TTC19: variants seen among roughly 807,000 people sequenced by gnomAD.
The protein encoded by TTC19 is tetratricopeptide repeat protein 19, mitochondrial.
Under a neutral mutation model 49.5 loss-of-function variants are expected in TTC19, and 38 were observed. The observed-to-expected ratio is 0.77, with a 90% confidence interval of 0.59 to 1.01. TTC19 has a LOEUF of 1.01. Ranked by LOEUF, TTC19 falls within the 50% of genes least tolerant of loss-of-function variation. The pLI is 0.00. For missense variants in TTC19, 475 were observed against 477.7 expected (o/e 0.99, Z 0.05); for synonymous variants, 204 against 185.2 (o/e 1.10, Z -0.83).
At chr17:16,039,241 A>C in intron 2 of TTC19, 1 of 601,002 alleles carries the variant, frequency 1.7e-6, no homozygotes, top group Non-Finnish European at 2.9e-6. Flanking sequence ...ATTTTCTTCC[A>C]TTTTATTTCT....
chr17:16,034,661 A>G, intron 2 of TTC19: 1 of 1,037,212 alleles, frequency 9.6e-7, no homozygotes, highest in South Asian at 1.6e-5. Context: ...AAATGGGAAT[A>G]TAGGTTTCCA....
intron 7 of TTC19, among the ~76,000 whole-genome samples, chr17:16,009,710 A>G (rs1053603520): frequency 6.6e-6 from 1 of 152,320 alleles, no homozygotes; most frequent in South Asian, 2.1e-4. Context: ...TGACACAACT[A>G]TCTCTATTCT....
chr17:16,041,068 C>T (rs527295797), intron 2 of TTC19: 2 of 152,872 alleles, frequency 1.3e-5, no homozygotes, highest in East Asian at 1.9e-4. Flanking sequence ...GGGATGTGAT[C>T]CAGAGGAAAG....
chr17:16,025,799 A>C (rs1209816478), intron 8 of TTC19, among the ~76,000 whole-genome samples: 1 of 152,178 alleles, frequency 6.6e-6, no homozygotes, highest in Non-Finnish European at 1.5e-5. Context: ...ATTTTAACTG[A>C]ATGTGTCCCA....
At chr17:16,039,796 C>CT (rs932257225) in intron 2 of TTC19, 850 of 682,454 alleles carry the variant, frequency 1.2e-3, no homozygotes, top group Non-Finnish European at 1.5e-3. Context: ...ACACAGAGAC[C>CT]TTTTTTTTTG....
chr17:16,006,172 G>A (rs1248174595), intron 6 of TTC19, among the ~76,000 whole-genome samples: 1 of 152,336 alleles, frequency 6.6e-6, no homozygotes, highest in African/African-American at 2.4e-5. Flanking sequence ...CACTTTGGGA[G>A]GCCGAGGTGG....
At chr17:16,030,554 T>A, downstream of TTC19, 1 of 188,720 alleles carries the variant, frequency 5.3e-6, no homozygotes, top group Non-Finnish European at 1.1e-5. Context: ...TTTTCATTCA[T>A]TTTGAAATTT....
At chr17:16,044,490 G>C (rs185518380) in intron 2 of TTC19, 1 of 477,006 alleles carries the variant, frequency 2.1e-6, no homozygotes. Flanking sequence ...AAAGCAGATC[G>C]TCCTTTCCTC....
intron 7 of TTC19, chr17:16,023,841 G>A (rs1971459366): frequency 6.6e-6 from 1 of 152,186 alleles, no homozygotes; most frequent in Non-Finnish European, 1.5e-5. Flanking sequence ...TCTCATTTTA[G>A]TAACATAGTC....
exon 3 of TTC19, chr17:16,044,571 C>T (rs756031321): frequency 5.6e-5 from 29 of 520,244 alleles, no homozygotes; most frequent in Admixed American, 5.2e-4. Flanking sequence ...TCACTTCATC[C>T]GGCAACTACC....
intron 7 of TTC19, among the ~76,000 whole-genome samples, chr17:16,023,163 A>G (rs975169244): frequency 6.6e-6 from 1 of 152,212 alleles, no homozygotes; most frequent in African/African-American, 2.4e-5. Context: ...TGCTTTTCAG[A>G]AAGTGTTTCC....
At chr17:16,006,795 G>C (rs1055182893) in intron 7 of TTC19, among the ~76,000 whole-genome samples, 1 of 151,930 alleles carries the variant, frequency 6.6e-6, no homozygotes, top group African/African-American at 2.4e-5. Flanking sequence ...TTGGTAACAT[G>C]GTCATAATTT....
intron 2 of TTC19, among the ~76,000 whole-genome samples, chr17:16,036,938 C>T (rs1047251753): frequency 1.3e-5 from 2 of 152,246 alleles, no homozygotes; most frequent in African/African-American, 4.8e-5. Flanking sequence ...CTGTTTGGCA[C>T]ATGAGGTCTA....
At position 16,025,021 on chromosome 17, in the gene TTC19, A is replaced by G. The variant is rs568597965; in HGVS notation, c.681A>G (p.Glu227=). ...KELAEDIMSV[E]EKANTHLLLG... ...TGATTCCTCTTTTCTCCTTAGTGGAAGAGAAAGCCAATACCCACCTCCTCT... is the reference window on the plus strand; with the variant it reads ...TGATTCCTCTTTTCTCCTTAGTGGAGGAGAAAGCCAATACCCACCTCCTCT... The change falls in exon 8 of 10, where the codon GAA becomes GAG. Residue 227 remains glutamate (E), a synonymous_variant. Transcript: ENST00000261647. 2.0e-5 allele frequency: 32 copies of G among 1,613,892 alleles called. No homozygotes were observed. In the African/African-American group the frequency reaches 2.5e-4, roughly 13 times the overall value.
Position 15,999,826 on chromosome 17 carries a change from T to C in TTC19, c.-23T>C. The stretch of plus-strand genomic sequence containing the variant: ...GGCCAGGAGCGCGTCTGGCCTGCAG[T>C]GCGCAGAGGACGCGGCGGGAGCATG... On this transcript the variant is annotated 5_prime_UTR_variant, in exon 1 of 10. Coordinates refer to ENST00000261647, the MANE Select transcript of TTC19 (RefSeq NM_017775.4). 2 of 1,545,360 alleles carry C rather than the reference T, an allele frequency of 1.3e-6. No homozygotes were observed. Among genetic ancestry groups the C allele is most frequent in the Non-Finnish European group, 1.7e-6 (2 of 1,154,300 alleles).
chr17:16,044,800 C>A, exon 3 of TTC19: 3 of 1,118,808 alleles, frequency 2.7e-6, no homozygotes, highest in Non-Finnish European at 2.7e-6. Context: ...GGAGCCTCAT[C>A]TACAATGTAG....
At chr17:16,024,854 T>C in intron 7 of TTC19, 163 bp from the exon 8 acceptor site, 1 of 667,860 alleles carries the variant, frequency 1.5e-6, no homozygotes, top group South Asian at 1.7e-5. Context: ...AAATGTGGGC[T>C]GAAGTTCCAT....
chr17:16,003,956 T>A (rs1970818688), intron 5 of TTC19, 69 bp downstream of exon 5: 12 of 1,519,480 alleles, frequency 7.9e-6, no homozygotes, highest in Non-Finnish European at 1.1e-5. Context: ...TCCTGAAAAC[T>A]CCTCCTAGCC....
intron 7 of TTC19, among the ~76,000 whole-genome samples, chr17:16,018,358 A>G (rs1195842733): frequency 6.6e-6 from 1 of 152,056 alleles, no homozygotes; most frequent in African/African-American, 2.4e-5. Context: ...CTGGAATGTC[A>G]TTTACCTGTA....
Sources: gnomAD v4.1 joint callset for allele counts (sites outside exome capture counted in the v4.1 genomes callset) on GRCh38, gnomAD v4.1.1 for gene constraint, MANE v1.5 for transcripts, NCBI Gene and HGNC (gene_info 2026-07-23, HGNC 2026-07-21) for gene names.